GATAD2A: variants seen among roughly 807,000 people sequenced by gnomAD.
GATAD2A encodes the protein GATA zinc finger domain containing 2A, also known as transcriptional repressor p66-alpha.
Under a neutral mutation model 68.5 loss-of-function variants are expected in GATAD2A, and 12 were observed. The ratio of observed to expected loss-of-function variants is 0.18; its 90% CI spans 0.11 to 0.28. The LOEUF (loss-of-function observed/expected upper bound fraction) is 0.28. Among genes scored for constraint, GATAD2A ranks in the 10% least tolerant of loss-of-function variants. The pLI, the probability that GATAD2A is intolerant of heterozygous loss-of-function variation, is 1.00. For synonymous variants in GATAD2A, 410 were observed against 375.3 expected, an observed-to-expected ratio of 1.09 and a Z score of -1.07; for missense variants, 755 against 868.5, an observed-to-expected ratio of 0.87 and a Z score of 1.64.
In GATAD2A at chr19:19,492,222, C is replaced by T. The variant is rs2059843501; in HGVS notation, c.270-84C>T. ...AGACAGGGAACAGACGGGGAGGTCTCAGCTCCCTGCCATGTGTCCACAGGG... is the reference window on the plus strand; with the variant it reads ...AGACAGGGAACAGACGGGGAGGTCTTAGCTCCCTGCCATGTGTCCACAGGG... On this transcript the variant is annotated intron_variant, in intron 2 of 11. Transcript: ENST00000683918. The T allele has an allele frequency of 1.1e-5, 16 of 1,408,740 alleles. No individual in the cohort carries two copies. The South Asian group carries it at 2.0e-4, about 17-fold the overall frequency. The allele number at this position is 1,408,740 out of a possible 1,614,324, so 87.3% of individuals were successfully genotyped here. A position where few individuals can be genotyped will look rare whatever the true frequency, so the allele number is the denominator to read the frequency against.
At chr19:19,399,658 G>A (rs1346050310) in intron 1 of GATAD2A, among the ~76,000 whole-genome samples, 1 of 152,136 alleles carries the variant, frequency 6.6e-6, no homozygotes, top group East Asian at 1.9e-4. Context: ...ATGTGAGAGG[G>A]CATGGTTGTT....
intron 1 of GATAD2A, among the ~76,000 whole-genome samples, chr19:19,419,923 A>G (rs533330316): frequency 2.3e-4 from 35 of 150,284 alleles, no homozygotes; most frequent in African/African-American, 8.1e-4. Context: ...TTCAGGTTTG[A>G]GCCTGGGCCT....
intron 1 of GATAD2A, among the ~76,000 whole-genome samples, chr19:19,392,284 A>G (rs527626708): frequency 2.5e-4 from 37 of 150,172 alleles, no homozygotes; most frequent in East Asian, 2.2e-3. Flanking sequence ...GGGTCTCGCT[A>G]TGTTTCCCAG....
intron 1 of GATAD2A, among the ~76,000 whole-genome samples, chr19:19,410,760 A>G (rs550870429): frequency 1.3e-5 from 2 of 152,308 alleles, no homozygotes; most frequent in East Asian, 1.9e-4. Context: ...GGCATCCAGG[A>G]CAGCCCTGGC....
chr19:19,429,122 T>A, intron 1 of GATAD2A: 1 of 862,366 alleles, frequency 1.2e-6, no homozygotes, highest in Non-Finnish European at 1.4e-6. Flanking sequence ...CGTGCCCACG[T>A]GGGTGTTAGA....
chr19:19,405,474 G>A (rs1221699567), upstream of GATAD2A, among the ~76,000 whole-genome samples: 1 of 152,126 alleles, frequency 6.6e-6, no homozygotes, highest in Non-Finnish European at 1.5e-5. Flanking sequence ...GCTGGGACTC[G>A]GCGGGGAGGG....
chr19:19,427,209 G>C (rs1322852899), intron 1 of GATAD2A, among the ~76,000 whole-genome samples: 1 of 152,112 alleles, frequency 6.6e-6, no homozygotes, highest in African/African-American at 2.4e-5. Flanking sequence ...GGAGATGGAT[G>C]GATGATGGTT....
At chr19:19,452,127 A>G (rs754146462) in intron 1 of GATAD2A, among the ~76,000 whole-genome samples, 5 of 152,246 alleles carry the variant, frequency 3.3e-5, no homozygotes, top group African/African-American at 7.2e-5. Context: ...GTGTTTAACT[A>G]GTGTATACTT....
At chr19:19,469,292 CATG>C (rs914028429) in intron 2 of GATAD2A, among the ~76,000 whole-genome samples, 4 of 151,724 alleles carry the variant, frequency 2.6e-5, no homozygotes, top group Admixed American at 6.6e-5. Context: ...ATTAGCCTGG[CATG>C]GTGGTGGGCA....
intron 8 of GATAD2A, among the ~76,000 whole-genome samples, chr19:19,499,789 C>G (rs931614944): frequency 1.3e-5 from 2 of 152,182 alleles, no homozygotes; most frequent in African/African-American, 4.8e-5. Context: ...CCCTCAGTCG[C>G]TCTCGTAACT....
rs778264301 is a variant in GATAD2A at position 19,502,040 on chromosome 19, A to G, written c.1575A>G (p.Leu525=). The stretch of plus-strand genomic sequence containing the variant: ...GCGACTGGAGTAACGGGGCTGTGCT[A>G]CAGGTCAGAACCGCACTGGGCGCCG... ...EARDWSNGAV[L]QASSQLSRGS... The change falls in exon 10 of 12, where the codon CTA becomes CTG. Residue 525 remains leucine, a synonymous_variant. Coordinates refer to ENST00000683918, the MANE Select transcript of GATAD2A (RefSeq NM_001384528.1). The G allele has an allele frequency of 6.2e-7, 1 of 1,612,246 alleles. No individual in the cohort carries two copies. The highest frequency in any genetic ancestry group is 8.5e-7 in the Non-Finnish European group (1 of 1,178,660).
At position 19,454,535 on chromosome 19, in the gene GATAD2A, G is replaced by A. The variant is rs187562928; in HGVS notation, c.-6-10805G>A. ...GATCGCTTGAACCTGGGAGGCGGAGGTTGCAGTGAGCTGAGATGGAGACAT... is the reference window on the plus strand; with the variant it reads ...GATCGCTTGAACCTGGGAGGCGGAGATTGCAGTGAGCTGAGATGGAGACAT... On this transcript the variant is annotated intron_variant, in intron 1 of 11. Transcript: ENST00000683918. Among the ~76,000 whole-genome samples the A allele has an allele frequency of 2.1e-3, 324 of 151,874 alleles. 2 individuals carry two copies. Among genetic ancestry groups the A allele is most frequent in the South Asian group, 0.016 (78 of 4,806 alleles).
chr19:19,502,647 C>T (rs2060615332), intron 11 of GATAD2A, 121 bp downstream of exon 11: 2 of 731,550 alleles, frequency 2.7e-6, no homozygotes, highest in Non-Finnish European at 4.5e-6. Flanking sequence ...CAAGCTCAGC[C>T]TCCTCGGACT....
chr19:19,433,801 G>T (rs1009493784), intron 1 of GATAD2A, among the ~76,000 whole-genome samples: 2 of 152,054 alleles, frequency 1.3e-5, no homozygotes, highest in African/African-American at 4.8e-5. Flanking sequence ...TTGAGACAAG[G>T]TCTTGCTCTG....
intron 1 of GATAD2A, among the ~76,000 whole-genome samples, chr19:19,441,058 T>C (rs1161708789): frequency 4.6e-5 from 7 of 150,730 alleles, no homozygotes; most frequent in African/African-American, 7.3e-5. Context: ...CTTCCTTCCG[T>C]TCCTTCCCTC....
intron 1 of GATAD2A, chr19:19,434,990 G>A (rs1416786428): frequency 7.0e-6 from 3 of 426,972 alleles, no homozygotes; most frequent in Non-Finnish European, 1.0e-5. Context: ...TTTCCCTGGG[G>A]TCCATGACAG....
chr19:19,397,665 G>A (rs1452538579), intron 1 of GATAD2A, among the ~76,000 whole-genome samples: 2 of 152,150 alleles, frequency 1.3e-5, no homozygotes, highest in Non-Finnish European at 2.9e-5. Flanking sequence ...CTTCAGGGCT[G>A]CTTCTGACCT....
In GATAD2A at chr19:19,433,655, A is replaced by G. The variant is rs116539162; in HGVS notation, c.-7+27636A>G. ...CTATTGTGATTGATTCATGCAAACA[A>G]CAACTTTAGAAACATCTTTTAAACA... On this transcript the variant is annotated intron_variant, in intron 1 of 11. Coordinates refer to ENST00000683918, the MANE Select transcript of GATAD2A (RefSeq NM_001384528.1). 5.3e-3 allele frequency among the ~76,000 whole-genome samples: 807 copies of G among 152,360 alleles called. 6 individuals are homozygous for G. The highest frequency in any genetic ancestry group is 0.041 in the South Asian group (198 of 4,834).
intron 1 of GATAD2A, among the ~76,000 whole-genome samples, chr19:19,425,776 T>A (rs2053002209): frequency 6.6e-6 from 1 of 151,656 alleles, no homozygotes; most frequent in Non-Finnish European, 1.5e-5. Context: ...ACATAGTGGT[T>A]TTCTTTTTCT....
Sources: gnomAD v4.1 joint callset for allele counts (sites outside exome capture counted in the v4.1 genomes callset) on GRCh38, gnomAD v4.1.1 for gene constraint, MANE v1.5 for transcripts, NCBI Gene and HGNC (gene_info 2026-07-23, HGNC 2026-07-21) for gene names.